Variants in NSUN6 observed in about 807,000 individuals in gnomAD.
NSUN6 encodes the protein NOP2/Sun RNA methyltransferase 6.
In NSUN6, 64 loss-of-function variants were observed where a neutral mutation model predicts 58.0. The ratio of observed to expected loss-of-function variants is 1.10; its 90% CI spans 0.90 to 1.36. NSUN6 has a LOEUF of 1.36. NSUN6 is among the 40% of genes most tolerant of loss of function. The pLI is 0.00. For synonymous variants in NSUN6, 231 were observed against 193.9 expected, an observed-to-expected ratio of 1.19 and a Z score of -1.59; for missense variants, 701 against 550.1, an observed-to-expected ratio of 1.27 and a Z score of -2.74.
rs1220063911 is a variant in NSUN6, at chr10:18,614,496, C to T, written c.539G>A (p.Ser180Asn). 1 of 1,560,912 alleles carries T rather than the reference C, an allele frequency of 6.4e-7. No homozygotes were observed. Residue 180 changes from serine to asparagine, a missense_variant, in exon 5 of 11, where the codon AGC becomes AAC. Coordinates refer to ENST00000377304, the MANE Select transcript of NSUN6 (RefSeq NM_182543.5). ...TAATCCACTGAAGATTTCTTTGCGG[C>T]TTAGTTCAGAAATCCCATTTCCAAG... ...VFLGNGISEL[S>N]RKEIFSGLPE... is the part of the protein sequence containing the mutation.
At chr10:18,618,355 T>C (rs955590257) in intron 3 of NSUN6, among the ~76,000 whole-genome samples, 8 of 152,218 alleles carry the variant, frequency 5.3e-5, no homozygotes, top group African/African-American at 1.9e-4. Flanking sequence ...TTTCCCCCAT[T>C]ATTCCTATTC....
chr10:18,570,923 C>T (rs1192304459), intron 8 of NSUN6, among the ~76,000 whole-genome samples: 2 of 150,326 alleles, frequency 1.3e-5, no homozygotes, highest in Non-Finnish European at 3.0e-5. Context: ...TTCCATTCTA[C>T]ATTCAATTAC....
Position 18,579,073 on chromosome 10 carries a change from AC to A in NSUN6, c.922+6875del, listed in dbSNP as rs1386529488. ...GATCACCAGAATGACCCCCAGACATACCTGGCGTGAGTGAAGTTTCTTTTAT... is the reference window on the plus strand; with the variant it reads ...GATCACCAGAATGACCCCCAGACATACTGGCGTGAGTGAAGTTTCTTTTAT... On this transcript the variant is annotated intron_variant, in intron 8 of 10. Transcript: ENST00000377304. 3.9e-5 allele frequency among the ~76,000 whole-genome samples: 6 copies of A among 152,246 alleles called. No individual in the cohort carries two copies. In the East Asian group the frequency reaches 1.2e-3, roughly 29 times the overall value.
chr10:18,638,453 A>C (rs2059288627), intron 3 of NSUN6, among the ~76,000 whole-genome samples: 1 of 152,170 alleles, frequency 6.6e-6, no homozygotes, highest in Non-Finnish European at 1.5e-5. Flanking sequence ...AAACAAAACA[A>C]AACAAACAAA....
chr10:18,583,572 T>C (rs1776324356), intron 8 of NSUN6, among the ~76,000 whole-genome samples: 1 of 152,058 alleles, frequency 6.6e-6, no homozygotes. Context: ...GGCAAAAACT[T>C]TAAAGCAGCC....
At chr10:18,561,942 T>C (rs555053534) in intron 8 of NSUN6, among the ~76,000 whole-genome samples, 23 of 137,842 alleles carry the variant, frequency 1.7e-4, no homozygotes, top group Non-Finnish European at 3.0e-4. Context: ...GAATGGAGAA[T>C]GGAAAAGAGT....
chr10:18,606,823 G>T (rs553503862), intron 6 of NSUN6, among the ~76,000 whole-genome samples: 1 of 152,284 alleles, frequency 6.6e-6, no homozygotes, highest in Non-Finnish European at 1.5e-5. Context: ...TTTTTCAAGT[G>T]ATTTGATACA....
rs139153928 is a variant in NSUN6 at position 18,607,142 on chromosome 10, T to G, written c.657+2703A>C. Among the ~76,000 whole-genome samples, 510 of 152,314 alleles carry G rather than the reference T, an allele frequency of 3.3e-3. 5 individuals are homozygous for G. The highest frequency in any genetic ancestry group is 0.012 in the African/African-American group (480 of 41,580). On this transcript the variant is annotated intron_variant, in intron 6 of 10. Transcript: ENST00000377304. ...TTTCATTTAGATGATGCCTCTCACA[T>G]GATGTACTTTCAGGGACTGTCATTT... is the stretch of plus-strand genomic sequence containing the variant.
At chr10:18,563,648 C>T (rs1319973083) in intron 8 of NSUN6, among the ~76,000 whole-genome samples, 2 of 149,952 alleles carry the variant, frequency 1.3e-5, no homozygotes, top group South Asian at 2.1e-4. Flanking sequence ...TTCTCCATTC[C>T]ATGCTCCATT....
At chr10:18,553,994 G>A (rs1004542801) in intron 8 of NSUN6, among the ~76,000 whole-genome samples, 1 of 150,876 alleles carries the variant, frequency 6.6e-6, no homozygotes, top group Non-Finnish European at 1.5e-5. Flanking sequence ...AGAATGGAAT[G>A]GAGAATGTAA....
intron 3 of NSUN6, among the ~76,000 whole-genome samples, chr10:18,632,869 C>T (rs2059084512): frequency 6.6e-6 from 1 of 152,154 alleles, no homozygotes; most frequent in Non-Finnish European, 1.5e-5. Context: ...GGATCTAGAA[C>T]TAGAAATACC....
intron 8 of NSUN6, among the ~76,000 whole-genome samples, chr10:18,569,678 A>T (rs2056222727): frequency 6.8e-6 from 1 of 146,972 alleles, no homozygotes; most frequent in Non-Finnish European, 1.5e-5. Context: ...TCAATTCCAT[A>T]TTCTATTCCT....
At chr10:18,566,053 C>A (rs1258159550) in intron 8 of NSUN6, among the ~76,000 whole-genome samples, 2 of 151,280 alleles carry the variant, frequency 1.3e-5, no homozygotes, top group African/African-American at 2.4e-5. Context: ...CTATTCCATT[C>A]TCCATTCTAC....
intron 8 of NSUN6, among the ~76,000 whole-genome samples, chr10:18,573,109 C>G (rs1050585298): frequency 6.7e-6 from 1 of 150,054 alleles, no homozygotes; most frequent in Non-Finnish European, 1.5e-5. Flanking sequence ...TCCTCCGTTA[C>G]ACTCCATTCC....
At chr10:18,554,804 G>A (rs548939089) in intron 8 of NSUN6, among the ~76,000 whole-genome samples, 1 of 151,146 alleles carries the variant, frequency 6.6e-6, no homozygotes, top group African/African-American at 2.4e-5. Context: ...AGAATGAAAT[G>A]GAATGGAATA....
chr10:18,558,396 G>T (rs1177893154), intron 8 of NSUN6, among the ~76,000 whole-genome samples: 2 of 150,976 alleles, frequency 1.3e-5, no homozygotes, highest in African/African-American at 4.9e-5. Context: ...ATGCAGTGGT[G>T]AATAGAATGA....
chr10:18,588,381 G>C (rs2057252316), intron 7 of NSUN6, among the ~76,000 whole-genome samples: 1 of 152,226 alleles, frequency 6.6e-6, no homozygotes, highest in Non-Finnish European at 1.5e-5. Flanking sequence ...TCTGAAGAGA[G>C]AAGCTGATCC....
rs2054204345 is a variant in NSUN6 at position 18,545,568 on chromosome 10, T to C, written c.*365A>G. 6.0e-6 allele frequency: 1 copy of C among 167,286 alleles called. No individual in the cohort carries two copies. 10.4% of individuals were successfully genotyped at this position (167,286 alleles called of 1,614,324 possible). A position where few individuals can be genotyped will look rare whatever the true frequency, so the allele number is the denominator to read the frequency against. On this transcript the variant is annotated 3_prime_UTR_variant, in exon 11 of 11. Transcript: ENST00000377304. Reference sequence around the variant, plus strand: ...CAACTTTTCATAACCACATCAAATATTGCTAATTTATTCCTTTTGTTAGAT... The same window carrying C: ...CAACTTTTCATAACCACATCAAATACTGCTAATTTATTCCTTTTGTTAGAT...
chr10:18,566,408 T>A (rs1029705182), intron 8 of NSUN6, among the ~76,000 whole-genome samples: 1 of 150,476 alleles, frequency 6.6e-6, no homozygotes, highest in Non-Finnish European at 1.5e-5. Flanking sequence ...TTCTTCTTCA[T>A]TCTATTCCAT....
Sources: allele counts gnomAD v4.1 joint callset (sites outside exome capture counted in the v4.1 genomes callset), GRCh38; gene constraint gnomAD v4.1.1; transcripts MANE v1.5; gene names NCBI Gene and HGNC (gene_info 2026-07-23, HGNC 2026-07-21).